The following SPEF2 variants were observed in gnomAD, a reference collection of about 807,000 sequenced individuals.
SPEF2 encodes the protein sperm flagellar and cilia associated 2, also known as sperm flagella and cilia-associated protein 2.
Under a neutral mutation model 224.6 loss-of-function variants are expected in SPEF2, and 187 were observed. The observed-to-expected ratio is 0.83, with a 90% confidence interval of 0.74 to 0.94. The LOEUF is 0.94. SPEF2 is among the 40% of genes least tolerant of loss of function. The pLI, the probability that SPEF2 is intolerant of heterozygous loss-of-function variation, is 0.00. For missense variants in SPEF2, 2,170 were observed against 2,135.6 expected, an observed-to-expected ratio of 1.02 and a Z score of -0.32; for synonymous variants, 715 against 707.3, an observed-to-expected ratio of 1.01 and a Z score of -0.17.
At chr5:35,673,816 A>C (rs935190872) in intron 10 of SPEF2, among the ~76,000 whole-genome samples, 1 of 152,314 alleles carries the variant, frequency 6.6e-6, no homozygotes, top group Admixed American at 6.5e-5. Flanking sequence ...CCAGACTTTA[A>C]GATGTGGTTG....
intron 2 of SPEF2, among the ~76,000 whole-genome samples, chr5:35,636,668 T>TG (rs1745871088): frequency 1.3e-5 from 2 of 151,996 alleles, no homozygotes; most frequent in Non-Finnish European, 2.9e-5. Context: ...ACAACACTAC[T>TG]GGGTAGTCAA....
chr5:35,666,672 G>T lies in SPEF2; in HGVS notation c.1168-400G>T, dbSNP rs369594166. ...GGCTATAGCAGATGTGTCAAAATTG[G>T]CACTTTGGAGGTGGGAGGGAGGGGT... is the stretch of plus-strand genomic sequence containing the variant. On this transcript the variant is annotated intron_variant, in intron 8 of 36. Coordinates refer to ENST00000356031, the MANE Select transcript of SPEF2 (RefSeq NM_024867.4). 9.2e-5 allele frequency among the ~76,000 whole-genome samples: 14 copies of T among 152,242 alleles called. No homozygotes were observed. In the East Asian group the frequency reaches 2.7e-3, roughly 29 times the overall value.
intron 23 of SPEF2, among the ~76,000 whole-genome samples, chr5:35,744,140 C>T (rs1306829070): frequency 1.3e-5 from 2 of 152,178 alleles, no homozygotes; most frequent in Non-Finnish European, 2.9e-5. Context: ...CTTTTTGTGT[C>T]GTTTTGTTTT....
intron 18 of SPEF2, among the ~76,000 whole-genome samples, chr5:35,706,551 A>G (rs548767536): frequency 1.3e-5 from 2 of 152,194 alleles, no homozygotes; most frequent in Admixed American, 1.3e-4. Context: ...TTGTTTATCA[A>G]TTACCCCAAA....
At chr5:35,728,668 A>G (rs897490320) in intron 21 of SPEF2, among the ~76,000 whole-genome samples, 4 of 152,210 alleles carry the variant, frequency 2.6e-5, no homozygotes, top group African/African-American at 9.6e-5. Flanking sequence ...CGAGGGTAGG[A>G]ACATGGAATA....
chr5:35,785,193 G>A (rs760235739), intron 30 of SPEF2, among the ~76,000 whole-genome samples: 8 of 152,148 alleles, frequency 5.3e-5, no homozygotes, highest in Non-Finnish European at 1.0e-4. Context: ...ACAGCAAAGA[G>A]GACTATGGCC....
chr5:35,737,272 G>T (rs1746778016), intron 21 of SPEF2, among the ~76,000 whole-genome samples: 1 of 151,884 alleles, frequency 6.6e-6, no homozygotes, highest in Non-Finnish European at 1.5e-5. Flanking sequence ...GTGCAGGTTT[G>T]TTACATATGT....
At chr5:35,708,605 A>C (rs116747692) in intron 18 of SPEF2, among the ~76,000 whole-genome samples, 62,742 of 82,844 alleles carry the variant, frequency 0.76, 21,397 homozygotes, top group Middle Eastern at 0.83. Flanking sequence ...CCCACCACAG[A>C]CTTCACCACC....
In SPEF2 at chr5:35,814,476, A is replaced by AT; in HGVS notation, c.5394dup (p.Leu1799SerfsTer5). Reference sequence around the variant, plus strand: ...TCTTTTGTCTTAGGATATTAAAATAATTCTCCAAAGGAGTGAACATGTACA... The same window carrying AT: ...TCTTTTGTCTTAGGATATTAAAATAATTTCTCCAAAGGAGTGAACATGTACA... On this transcript the variant is annotated frameshift_variant, in exon 37 of 37. Transcript: ENST00000356031. LOFTEE classifies it high-confidence loss of function. 1 of 1,597,834 alleles carries AT rather than the reference A, an allele frequency of 6.3e-7. No homozygotes were observed. The highest frequency in any genetic ancestry group is 1.7e-4 in the Middle Eastern group (1 of 6,010).
chr5:35,741,253 G>A (rs1747584584), intron 23 of SPEF2, among the ~76,000 whole-genome samples: 1 of 152,304 alleles, frequency 6.6e-6, no homozygotes, highest in Middle Eastern at 3.4e-3. Flanking sequence ...AAGAACGTTG[G>A]ATGTACCATT....
intron 12 of SPEF2, among the ~76,000 whole-genome samples, chr5:35,693,414 C>T (rs1754813855): frequency 6.6e-6 from 1 of 152,120 alleles, no homozygotes; most frequent in Non-Finnish European, 1.5e-5. Context: ...GACACCTGAT[C>T]TATATTAGTA....
In SPEF2 at chr5:35,807,188, G is replaced by C; in HGVS notation, c.5314G>C (p.Ala1772Pro). Residue 1772 changes from alanine (A) to proline (P), a missense_variant, in exon 36 of 37, where the codon GCT becomes CCT. Transcript: ENST00000356031. Reference protein sequence around the residue: ...GAKNLEPIEVAVLLKHPFIQD... With the variant: ...GAKNLEPIEVPVLLKHPFIQD... ...CAAGAACCTGGAGCCAATTGAAGTC[G>C]CTGTTCTCTTGAAGCATCCTTTTAT... The C allele has an allele frequency of 1.2e-6, 2 of 1,613,818 alleles. No homozygotes were observed. The highest frequency in any genetic ancestry group is 1.7e-6 in the Non-Finnish European group (2 of 1,179,942).
chr5:35,726,343 A>T (rs1371651692), intron 20 of SPEF2, among the ~76,000 whole-genome samples: 1 of 152,150 alleles, frequency 6.6e-6, no homozygotes, highest in Non-Finnish European at 1.5e-5. Context: ...TTTTAAATTG[A>T]TCATAGAGTT....
At chr5:35,732,523 C>T (rs899323524) in intron 21 of SPEF2, among the ~76,000 whole-genome samples, 26 of 152,274 alleles carry the variant, frequency 1.7e-4, no homozygotes, top group African/African-American at 6.3e-4. Flanking sequence ...AATTTAGATA[C>T]ATGAACCCTT....
rs756808375 is a variant in SPEF2 at position 35,659,107 on chromosome 5, G to A, written c.1067G>A (p.Arg356Gln). The change falls in exon 8 of 37, where the codon CGG becomes CAG. Residue 356 changes from arginine (R) to glutamine (Q), a missense_variant. Coordinates refer to ENST00000356031, the MANE Select transcript of SPEF2 (RefSeq NM_024867.4). ...ATTGCCGTGCAGCTCATGCATGTTC[G>A]GCATGAAAAGGAAGTTTTATGGCAA... ...RRIAVQLMHVRHEKEVLWQNR... is the reference protein window; with the variant it reads ...RRIAVQLMHVQHEKEVLWQNR... The A allele has an allele frequency of 6.2e-7, 1 of 1,612,956 alleles. No homozygotes were observed. Among genetic ancestry groups the A allele is most frequent in the Non-Finnish European group, 8.5e-7 (1 of 1,179,426 alleles).
chr5:35,637,541 G>T (rs963562232), intron 2 of SPEF2, among the ~76,000 whole-genome samples: 1 of 152,094 alleles, frequency 6.6e-6, no homozygotes, highest in Non-Finnish European at 1.5e-5. Context: ...TCATAATCCA[G>T]ATTATCCTAG....
Position 35,718,471 on chromosome 5 carries a change from C to A in SPEF2, c.2914+5585C>A, listed in dbSNP as rs140147587. ...GAGGGGAGCAGGCATCCCTGGTTCC[C>A]GTTTCTTCCTAGCAAATAACCAGGG... On this transcript the variant is annotated intron_variant, in intron 20 of 36. Coordinates refer to ENST00000356031, the MANE Select transcript of SPEF2 (RefSeq NM_024867.4). Among the ~76,000 whole-genome samples the A allele has an allele frequency of 7.3e-3, 1,112 of 152,190 alleles. 17 individuals carry two copies. Among genetic ancestry groups the A allele is most frequent in the South Asian group, 0.015 (73 of 4,826 alleles).
intron 10 of SPEF2, among the ~76,000 whole-genome samples, chr5:35,673,765 A>G (rs2149486993): frequency 6.6e-6 from 1 of 152,234 alleles, no homozygotes; most frequent in East Asian, 1.9e-4. Flanking sequence ...TATAATGTAC[A>G]TTTTTATTAA....
intron 34 of SPEF2, among the ~76,000 whole-genome samples, chr5:35,800,707 C>T (rs777060490): frequency 1.2e-4 from 18 of 152,174 alleles, no homozygotes; most frequent in Non-Finnish European, 1.3e-4. Context: ...GGGATAGTCT[C>T]CAACAGGGTG....
Sources: allele counts gnomAD v4.1 joint callset (sites outside exome capture counted in the v4.1 genomes callset), GRCh38; gene constraint gnomAD v4.1.1; transcripts MANE v1.5; gene names NCBI Gene and HGNC (gene_info 2026-07-23, HGNC 2026-07-21).